The following BTBD1 variants were observed in gnomAD, a reference collection of about 807,000 sequenced individuals.
BTBD1 encodes the protein BTB/POZ domain-containing protein 1.
A neutral mutation model predicts 48.0 loss-of-function variants in BTBD1; 34 were observed. The observed-to-expected ratio is 0.71, with a 90% CI of 0.54 to 0.94. The LOEUF is 0.94. Ranked by LOEUF, BTBD1 falls within the 40% of genes least tolerant of loss-of-function variation. The pLI, the probability that BTBD1 is intolerant of heterozygous loss-of-function variation, is 0.00. For synonymous variants in BTBD1, 261 were observed against 242.1 expected (o/e 1.08, Z -0.72); for missense variants, 543 against 625.6 (o/e 0.87, Z 1.41).
chr15:83,040,904 C>T (rs897165571), intron 4 of BTBD1, among the ~76,000 whole-genome samples: 2 of 151,378 alleles, frequency 1.3e-5, no homozygotes, highest in Non-Finnish European at 2.9e-5. Flanking sequence ...TGGTGGCTTA[C>T]ACCTGTAATC....
At chr15:83,057,006 T>C (rs1467125908) in intron 1 of BTBD1, among the ~76,000 whole-genome samples, 3 of 152,200 alleles carry the variant, frequency 2.0e-5, no homozygotes, top group Admixed American at 2.0e-4. Context: ...AACTCTGTGA[T>C]GAATACAGGG....
intron 5 of BTBD1, among the ~76,000 whole-genome samples, chr15:83,026,990 G>GTA (rs1239038922): frequency 6.7e-6 from 1 of 149,362 alleles, no homozygotes; most frequent in Non-Finnish European, 1.5e-5. Flanking sequence ...GTGTGTGTGT[G>GTA]TGTATGTATG....
intron 3 of BTBD1, among the ~76,000 whole-genome samples, chr15:83,045,929 C>G (rs367643290): frequency 1.3e-5 from 2 of 152,122 alleles, no homozygotes; most frequent in South Asian, 2.1e-4. Flanking sequence ...TTTGTTCTAT[C>G]AACATGATAA....
chr15:83,059,176 G>A (rs1208743947), intron 1 of BTBD1, among the ~76,000 whole-genome samples: 1 of 152,138 alleles, frequency 6.6e-6, no homozygotes. Context: ...CATCTCCTAA[G>A]CAGTTGCCTT....
intron 4 of BTBD1, among the ~76,000 whole-genome samples, chr15:83,032,091 G>A (rs1324551635): frequency 6.6e-6 from 1 of 152,098 alleles, no homozygotes; most frequent in Non-Finnish European, 1.5e-5. Flanking sequence ...GGGAGGCCGA[G>A]GCAGGCAGAT....
intron 7 of BTBD1, 131 bp from the exon 8 acceptor site, chr15:83,018,356 A>T: frequency 3.7e-6 from 3 of 811,388 alleles, no homozygotes; most frequent in Non-Finnish European, 5.3e-6. Context: ...GCTGTCATTT[A>T]GAGAAAAATG....
At position 83,017,947 on chromosome 15, in the gene BTBD1, C is replaced by G. The variant is rs912731751; in HGVS notation, c.*120G>C. On this transcript the variant is annotated 3_prime_UTR_variant, in exon 8 of 8. Coordinates refer to ENST00000261721, the MANE Select transcript of BTBD1 (RefSeq NM_025238.4). ...GCATTTTTCTATCTGCTCTAAGAAA[C>G]TGTTTCTTATCTTACAATTTTAAAT... 20 of 579,446 alleles carry G rather than the reference C, an allele frequency of 3.5e-5. No homozygotes were observed. The highest frequency in any genetic ancestry group is 9.2e-5 in the South Asian group (2 of 21,668). The allele number at this position is 579,446 out of a possible 1,614,324, so 35.9% of individuals were successfully genotyped here.
chr15:83,051,873 T>TACACACACACACACACACACACAC (rs766997533), intron 2 of BTBD1, among the ~76,000 whole-genome samples: 10 of 23,692 alleles, frequency 4.2e-4, no homozygotes, highest in African/African-American at 1.8e-3. Flanking sequence ...TTTTTCCATA[T>TACACACACACACACACACACACAC]ATATACACAC....
At chr15:83,020,444 G>A in intron 6 of BTBD1, 2 of 406,298 alleles carry the variant, frequency 4.9e-6, no homozygotes, top group Non-Finnish European at 8.7e-6. Context: ...GGGATTCCTG[G>A]ACAAAGAAGA....
chr15:83,064,165 G>C (rs1424130142), intron 1 of BTBD1, among the ~76,000 whole-genome samples: 1 of 152,184 alleles, frequency 6.6e-6, no homozygotes, highest in Non-Finnish European at 1.5e-5. Context: ...ATGTTTACAA[G>C]TATGCCCAAA....
At chr15:83,018,606 T>C (rs751661919) in intron 7 of BTBD1, 101 bp downstream of exon 7, 38 of 1,343,418 alleles carry the variant, frequency 2.8e-5, no homozygotes, top group East Asian at 9.6e-5. Context: ...TTTTCCCCCC[T>C]CTTTATAAAT....
chr15:83,020,434 G>A (rs1037207334), intron 6 of BTBD1: 2 of 389,810 alleles, frequency 5.1e-6, no homozygotes, highest in Admixed American at 4.3e-5. Context: ...ACTAATAGAA[G>A]GGATTCCTGG....
At chr15:83,042,060 A>G in intron 3 of BTBD1, 135 bp from the exon 4 acceptor site, 1 of 655,270 alleles carries the variant, frequency 1.5e-6, no homozygotes, top group South Asian at 2.0e-5. Context: ...TACAGACTTT[A>G]TACTTTAAAA....
intron 2 of BTBD1, 138 bp from the exon 3 acceptor site, chr15:83,050,316 C>A: frequency 3.7e-6 from 2 of 544,388 alleles, no homozygotes; most frequent in Non-Finnish European, 6.4e-6. Context: ...GCAATAATGT[C>A]TACATATTCT....
At chr15:83,030,103 A>C (rs2032486516) in intron 5 of BTBD1, 33 bp downstream of exon 5, 1 of 1,597,636 alleles carries the variant, frequency 6.3e-7, no homozygotes, top group Non-Finnish European at 8.6e-7. Flanking sequence ...TGCTACCCCC[A>C]CTCTACCCCC....
At position 83,017,221 on chromosome 15, in the gene BTBD1, T is replaced by C. The variant is rs1394554030; in HGVS notation, c.*846A>G. The C allele has an allele frequency of 1.3e-5, 2 of 152,666 alleles. No homozygotes were observed. Among genetic ancestry groups the C allele is most frequent in the African/African-American group, 4.8e-5 (2 of 41,456 alleles). 9.5% of individuals were successfully genotyped at this position (152,666 alleles called of 1,614,324 possible). A position where few individuals can be genotyped will look rare whatever the true frequency, so the allele number is the denominator to read the frequency against. On this transcript the variant is annotated 3_prime_UTR_variant, in exon 8 of 8. Transcript: ENST00000261721. The stretch of plus-strand genomic sequence containing the variant: ...AATGTTAGTATTTTATTCGGTTTCT[T>C]GCTGTGAAGGATTATCACAATGTTG...
Position 83,056,565 on chromosome 15 carries a change from T to C in BTBD1, c.402-20A>G. 1 of 1,607,124 alleles carries C rather than the reference T, an allele frequency of 6.2e-7. No homozygotes were observed. On this transcript the variant is annotated intron_variant, in intron 1 of 7. Coordinates refer to ENST00000261721, the MANE Select transcript of BTBD1 (RefSeq NM_025238.4). ...AGAAATCTGGAAAACAATTGGCATA[T>C]TTGCAGAGATGGTCAGTAATGTTTT...
intron 3 of BTBD1, among the ~76,000 whole-genome samples, chr15:83,047,747 T>C (rs1045883631): frequency 1.3e-5 from 2 of 152,178 alleles, no homozygotes; most frequent in African/African-American, 4.8e-5. Context: ...CCTTGGTCTG[T>C]TATATGAGCG....
intron 4 of BTBD1, among the ~76,000 whole-genome samples, chr15:83,039,247 T>G (rs2151305846): frequency 6.6e-6 from 1 of 151,576 alleles, no homozygotes; most frequent in Middle Eastern, 3.5e-3. Flanking sequence ...CAAAAGAAGA[T>G]ATACAAGCAG....
Sources: allele counts gnomAD v4.1 joint callset (sites outside exome capture counted in the v4.1 genomes callset), GRCh38; gene constraint gnomAD v4.1.1; transcripts MANE v1.5; gene names NCBI Gene and HGNC (gene_info 2026-07-23, HGNC 2026-07-21).